The following CNTNAP3 variants were observed in gnomAD, a reference collection of about 807,000 sequenced individuals.
CNTNAP3 encodes the protein contactin associated protein family member 3.
A neutral mutation model predicts 92.1 loss-of-function variants in CNTNAP3; 36 were observed. That is an observed-to-expected ratio of 0.39 (90% confidence interval 0.30 to 0.52). The LOEUF (loss-of-function observed/expected upper bound fraction) is 0.52. CNTNAP3 is among the 20% of genes least tolerant of loss of function. The pLI, the probability that CNTNAP3 is intolerant of heterozygous loss-of-function variation, is 0.76. For missense variants in CNTNAP3, 534 were observed against 1,069.6 expected, an observed-to-expected ratio of 0.50 and a Z score of 6.98; for synonymous variants, 232 against 422.3, an observed-to-expected ratio of 0.55 and a Z score of 5.53.
chr9:39,118,069 A>G lies in CNTNAP3; in HGVS notation c.2237+34T>C, dbSNP rs188828312. On this transcript the variant is annotated intron_variant, in intron 14 of 23. Transcript: ENST00000297668. ...TATGCATAATTAAAGAATAAAAACCACATTTTTGTGCAGGGAAATCATGTG... is the reference window on the plus strand; with the variant it reads ...TATGCATAATTAAAGAATAAAAACCGCATTTTTGTGCAGGGAAATCATGTG... 8.1e-3 allele frequency: 12,767 copies of G among 1,578,468 alleles called. 86 individuals are homozygous for G. The highest frequency in any genetic ancestry group is 9.0e-3 in the Non-Finnish European group (10,472 of 1,165,684).
In CNTNAP3 at chr9:39,068,203, T is replaced by A. The variant is rs1825553260; in HGVS notation, c.*5687A>T. Among the ~76,000 whole-genome samples, 1 of 150,556 alleles carries A rather than the reference T, an allele frequency of 6.6e-6. No individual in the cohort carries two copies. Among genetic ancestry groups the A allele is most frequent in the South Asian group, 2.1e-4 (1 of 4,824 alleles). ...TCATGAGATCCAGAGATCGAGACCA[T>A]CCTGGCTAACACGGTGAAACCTTGC... On this transcript the variant is annotated 3_prime_UTR_variant, in exon 24 of 24. Coordinates refer to ENST00000297668, the MANE Select transcript of CNTNAP3 (RefSeq NM_033655.5).
At chr9:39,079,175 C>A (rs1357517877) in intron 21 of CNTNAP3, among the ~76,000 whole-genome samples, 1 of 152,126 alleles carries the variant, frequency 6.6e-6, no homozygotes, top group Admixed American at 6.5e-5. Flanking sequence ...CTGCAAGTAA[C>A]AGAGCTTCAT....
intron 13 of CNTNAP3, among the ~76,000 whole-genome samples, chr9:39,130,197 A>G (rs1821244546): frequency 6.6e-6 from 1 of 152,186 alleles, no homozygotes; most frequent in Non-Finnish European, 1.5e-5. Context: ...CACAATGTTC[A>G]TAAAAGCTTT....
At chr9:39,099,872 A>G in intron 18 of CNTNAP3, 39 bp downstream of exon 18, 1 of 1,599,870 alleles carries the variant, frequency 6.3e-7, no homozygotes, top group South Asian at 1.1e-5. Flanking sequence ...TTTAAGTTTC[A>G]TGTACTTTCC....
In CNTNAP3 at chr9:39,209,662, TC is replaced by T. The variant is rs1314727538; in HGVS notation, c.391-16388del. On this transcript the variant is annotated intron_variant, in intron 3 of 23. Transcript: ENST00000297668. ...CCACTCCTCCCTTCTCCCTCCCCCTTCCCCCCTCCCCCCTTCTGCCCCTTCC... is the reference window on the plus strand; with the variant it reads ...CCACTCCTCCCTTCTCCCTCCCCCTTCCCCCTCCCCCCTTCTGCCCCTTCC... 5.0e-3 allele frequency among the ~76,000 whole-genome samples: 183 copies of T among 36,786 alleles called. 1 individual carries two copies. Among genetic ancestry groups the T allele is most frequent in the African/African-American group, 0.016 (173 of 10,700 alleles). The allele number at this position is 36,786 out of a possible 152,430, so 24.1% of individuals were successfully genotyped here. A position where few individuals can be genotyped will look rare whatever the true frequency, so the allele number is the denominator to read the frequency against.
At position 39,154,929 on chromosome 9, in the gene CNTNAP3, A is replaced by G. The variant is rs1248075845; in HGVS notation, c.1478-4952T>C. On this transcript the variant is annotated intron_variant, in intron 9 of 23. Transcript: ENST00000297668. Reference sequence around the variant, plus strand: ...ATCGTGGGCGACGCCGCAGAGAAAGATGCATTGAAGGATCAGGTACAAATC... The same window carrying G: ...ATCGTGGGCGACGCCGCAGAGAAAGGTGCATTGAAGGATCAGGTACAAATC... 5.7e-5 allele frequency: 11 copies of G among 191,836 alleles called. No individual in the cohort carries two copies. In the East Asian group the frequency reaches 1.8e-3, roughly 31 times the overall value. The allele number at this position is 191,836 out of a possible 1,614,324, so 11.9% of individuals were successfully genotyped here.
chr9:39,129,624 T>A (rs1037628079), intron 13 of CNTNAP3, among the ~76,000 whole-genome samples: 222 of 152,274 alleles, frequency 1.5e-3, no homozygotes, highest in Non-Finnish European at 2.6e-3. Context: ...AAGGAAAATA[T>A]GATAAACTGA....
chr9:39,130,570 T>C (rs1284478267), intron 13 of CNTNAP3, among the ~76,000 whole-genome samples: 1 of 144,600 alleles, frequency 6.9e-6, no homozygotes, highest in African/African-American at 2.6e-5. Flanking sequence ...AGTGGCGCCA[T>C]CTCGGCTCAC....
intron 14 of CNTNAP3, among the ~76,000 whole-genome samples, chr9:39,114,141 G>T (rs967176154): frequency 1.4e-4 from 20 of 147,702 alleles, no homozygotes; most frequent in African/African-American, 4.3e-4. Flanking sequence ...GGAGTGCAGT[G>T]GTGTGATCTT....
At chr9:39,149,353 TTTG>T (rs1563892831) in intron 10 of CNTNAP3, among the ~76,000 whole-genome samples, 4 of 151,696 alleles carry the variant, frequency 2.6e-5, no homozygotes, top group African/African-American at 9.7e-5. Flanking sequence ...AGTTTTTGTT[TTTG>T]TTTTTTTTTT....
At chr9:39,117,852 A>G in intron 14 of CNTNAP3, 1 of 673,332 alleles carries the variant, frequency 1.5e-6, no homozygotes, top group South Asian at 2.2e-5. Flanking sequence ...TGAGTGGAAA[A>G]CTTAACAGCT....
At chr9:39,106,162 A>C (rs1253952816) in intron 15 of CNTNAP3, among the ~76,000 whole-genome samples, 2 of 152,212 alleles carry the variant, frequency 1.3e-5, no homozygotes, top group Non-Finnish European at 2.9e-5. Context: ...AAAAGAAGGG[A>C]AAAGAATCAA....
In CNTNAP3 at chr9:39,070,561, G is replaced by C. The variant is rs1825614982; in HGVS notation, c.*3329C>G. On this transcript the variant is annotated 3_prime_UTR_variant, in exon 24 of 24. Transcript: ENST00000297668. Reference sequence around the variant, plus strand: ...TAATGGTGGGGCAGAGGTGGGGATAGGTTAATGGGTACAAAAAAAGTAGAA... The same window carrying C: ...TAATGGTGGGGCAGAGGTGGGGATACGTTAATGGGTACAAAAAAAGTAGAA... Among the ~76,000 whole-genome samples the C allele has an allele frequency of 6.7e-6, 1 of 150,218 alleles. No homozygotes were observed. Among genetic ancestry groups the C allele is most frequent in the Admixed American group, 6.6e-5 (1 of 15,062 alleles).
intron 20 of CNTNAP3, 187 bp from the exon 21 acceptor site, chr9:39,086,010 T>C (rs1256570065): frequency 8.9e-6 from 6 of 670,792 alleles, no homozygotes; most frequent in Non-Finnish European, 1.6e-5. Context: ...GCAATTCCTA[T>C]GATGCCATCA....
At chr9:39,103,319 C>T (rs1164904829) in intron 16 of CNTNAP3, among the ~76,000 whole-genome samples, 3 of 152,278 alleles carry the variant, frequency 2.0e-5, no homozygotes, top group African/African-American at 7.2e-5. Context: ...TGGCAGTTCA[C>T]ACCTGTAATC....
rs888537627 is a variant in CNTNAP3 at position 39,071,554 on chromosome 9, G to A, written c.*2336C>T. On this transcript the variant is annotated 3_prime_UTR_variant, in exon 24 of 24. Coordinates refer to ENST00000297668, the MANE Select transcript of CNTNAP3 (RefSeq NM_033655.5). ...TTTTTAATTTGAAGAAAAAAGTTGG[G>A]AAATTATTATGCTTTTACTTTTATG... is the stretch of plus-strand genomic sequence containing the variant. 5.3e-5 allele frequency among the ~76,000 whole-genome samples: 8 copies of A among 151,966 alleles called. No homozygotes were observed. Among genetic ancestry groups the A allele is most frequent in the Non-Finnish European group, 1.2e-4 (8 of 67,940 alleles).
intron 15 of CNTNAP3, 139 bp from the exon 16 acceptor site, chr9:39,104,053 C>G (rs1421697668): frequency 1.4e-6 from 2 of 1,404,894 alleles, no homozygotes; most frequent in East Asian, 4.9e-5. Context: ...TTCTGAGCAT[C>G]CATGTCATAT....
intron 18 of CNTNAP3, among the ~76,000 whole-genome samples, chr9:39,088,904 T>C (rs1261551640): frequency 2.0e-5 from 3 of 152,224 alleles, no homozygotes; most frequent in Admixed American, 6.5e-5. Context: ...CTCCAAATCA[T>C]CCTCATCTTA....
chr9:39,137,485 C>A (rs1821468236), intron 12 of CNTNAP3, among the ~76,000 whole-genome samples: 2 of 152,016 alleles, frequency 1.3e-5, no homozygotes, highest in Non-Finnish European at 1.5e-5. Flanking sequence ...AATGTCCCTG[C>A]CATATCTGAC....
Sources: gnomAD v4.1 joint callset for allele counts (sites outside exome capture counted in the v4.1 genomes callset) on GRCh38, gnomAD v4.1.1 for gene constraint, MANE v1.5 for transcripts, NCBI Gene and HGNC (gene_info 2026-07-23, HGNC 2026-07-21) for gene names.